The following E2F5 variants were observed in gnomAD, a reference collection of about 807,000 sequenced individuals.
E2F5 encodes transcription factor E2F5.
A neutral mutation model predicts 39.1 loss-of-function variants in E2F5; 23 were observed. The ratio of observed to expected loss-of-function variants is 0.59; its 90% CI spans 0.42 to 0.83. The LOEUF (loss-of-function observed/expected upper bound fraction) is 0.83. Ranked by LOEUF, E2F5 falls within the 40% of genes least tolerant of loss-of-function variation. E2F5 has a pLI of 0.00. For synonymous variants in E2F5, 145 were observed against 157.8 expected (o/e 0.92, Z 0.61); for missense variants, 365 against 406.7 (o/e 0.90, Z 0.88).
At position 85,207,413 on chromosome 8, in the gene E2F5, A is replaced by G. The variant is rs1812821858; in HGVS notation, c.551-12A>G. On this transcript the variant is annotated splice_polypyrimidine_tract_variant and intron_variant, in intron 4 of 7. Coordinates refer to ENST00000416274, the MANE Select transcript of E2F5 (RefSeq NM_001951.4). ...GTATTTTATGTAACTTTTTATATTT[A>G]TTTTTGACCAGGTGATACACTTTTG... The G allele has an allele frequency of 1.9e-6, 3 of 1,550,230 alleles. No individual in the cohort carries two copies. The Admixed American group carries it at 5.9e-5, about 31-fold the overall frequency.
chr8:85,207,384 A>C, intron 4 of E2F5, 41 bp from the exon 5 acceptor site: 1 of 1,508,308 alleles, frequency 6.6e-7, no homozygotes, highest in South Asian at 1.2e-5. Flanking sequence ...TTCCATGATC[A>C]ACAGTATTTT....
intron 5 of E2F5, among the ~76,000 whole-genome samples, chr8:85,208,087 G>A (rs1349670953): frequency 1.3e-5 from 2 of 152,174 alleles, no homozygotes; most frequent in Non-Finnish European, 2.9e-5. Flanking sequence ...TCAGCACTTT[G>A]GGAGGCCAAG....
At chr8:85,204,024 G>A (rs190233588) in intron 3 of E2F5, among the ~76,000 whole-genome samples, 23 of 151,948 alleles carry the variant, frequency 1.5e-4, no homozygotes, top group Admixed American at 1.5e-3. Context: ...TTTGACTAAT[G>A]TATACAATAT....
intron 6 of E2F5, among the ~76,000 whole-genome samples, chr8:85,211,654 T>C (rs935811617): frequency 7.3e-6 from 1 of 137,418 alleles, no homozygotes; most frequent in Non-Finnish European, 1.6e-5. Context: ...TTTTTTTTTT[T>C]TTTTTTTTTT....
At chr8:85,195,648 T>C (rs1019920757) in intron 1 of E2F5, among the ~76,000 whole-genome samples, 13 of 151,932 alleles carry the variant, frequency 8.6e-5, no homozygotes, top group African/African-American at 3.1e-4. Flanking sequence ...TACCAACTTG[T>C]CTGGCTAATT....
intron 5 of E2F5, 66 bp downstream of exon 5, chr8:85,207,555 T>C: frequency 2.2e-6 from 3 of 1,360,660 alleles, no homozygotes; most frequent in Non-Finnish European, 3.0e-6. Context: ...GAAGGATATT[T>C]TCTTTAGCTG....
In E2F5 at chr8:85,185,386, G is replaced by A. The variant is rs143393862; in HGVS notation, c.234+7732G>A. ...CTCAAGATGGATGAAAGACTTAAAC[G>A]TAAGACCTGAAACCATAAAAATCCT... On this transcript the variant is annotated intron_variant, in intron 1 of 7. Transcript: ENST00000416274. Among the ~76,000 whole-genome samples, 39 of 152,192 alleles carry A rather than the reference G, an allele frequency of 2.6e-4. 1 individual carries two copies. The East Asian group carries it at 6.2e-3, about 24-fold the overall frequency.
At chr8:85,189,409 A>T (rs912521898) in intron 1 of E2F5, among the ~76,000 whole-genome samples, 6 of 151,958 alleles carry the variant, frequency 3.9e-5, no homozygotes, top group African/African-American at 1.5e-4. Flanking sequence ...AGTCTCTGTG[A>T]CCCAGGCTGG....
chr8:85,209,002 TTTGTGTTTTGACTTAATGACTTTA>T, intron 5 of E2F5, 116 bp from the exon 6 acceptor site: 1 of 842,234 alleles, frequency 1.2e-6, no homozygotes, highest in Non-Finnish European at 1.8e-6. Flanking sequence ...TGTCTCTACT[TTTGTGTTTTGACTTAATGACTTTA>T]TTGTGTTATG....
At chr8:85,196,396 C>T (rs1812580795) in intron 1 of E2F5, among the ~76,000 whole-genome samples, 1 of 151,906 alleles carries the variant, frequency 6.6e-6, no homozygotes, top group African/African-American at 2.4e-5. Context: ...GGTCACAATC[C>T]CAGAGCTTTA....
At chr8:85,186,774 G>A (rs1419679984) in intron 1 of E2F5, among the ~76,000 whole-genome samples, 3 of 144,662 alleles carry the variant, frequency 2.1e-5, no homozygotes, top group South Asian at 2.2e-4. Context: ...GTATATATAC[G>A]GTATATATAA....
chr8:85,178,828 T>G (rs1044818137), intron 1 of E2F5, among the ~76,000 whole-genome samples: 16 of 152,238 alleles, frequency 1.1e-4, no homozygotes, highest in African/African-American at 3.9e-4. Flanking sequence ...AAGTAGATCT[T>G]TTCAGTGCCC....
In E2F5 at chr8:85,214,069, T is replaced by A; in HGVS notation, c.*207T>A. On this transcript the variant is annotated 3_prime_UTR_variant, in exon 8 of 8. Coordinates refer to ENST00000416274, the MANE Select transcript of E2F5 (RefSeq NM_001951.4). ...TTGCTTTAGGGGATAAGTGATTTAA[T>A]ATCCACAAACGTCCCCACTCCCAAA... The A allele has an allele frequency of 1.7e-6, 1 of 592,252 alleles. No homozygotes were observed. Among genetic ancestry groups the A allele is most frequent in the Non-Finnish European group, 3.0e-6 (1 of 330,512 alleles). The allele number at this position is 592,252 out of a possible 1,614,324, so 36.7% of individuals were successfully genotyped here.
At chr8:85,181,405 G>T (rs1048436994) in intron 1 of E2F5, among the ~76,000 whole-genome samples, 4 of 151,212 alleles carry the variant, frequency 2.6e-5, no homozygotes, top group African/African-American at 7.3e-5. Flanking sequence ...ATCTCCACTC[G>T]CTGCAAGCTC....
At chr8:85,189,689 A>C (rs1329009176) in intron 1 of E2F5, among the ~76,000 whole-genome samples, 6 of 152,208 alleles carry the variant, frequency 3.9e-5, no homozygotes, top group Admixed American at 3.3e-4. Flanking sequence ...AATTGTAAAC[A>C]TGATTTATAA....
At chr8:85,179,569 T>C (rs1812154831) in intron 1 of E2F5, among the ~76,000 whole-genome samples, 1 of 152,048 alleles carries the variant, frequency 6.6e-6, no homozygotes, top group African/African-American at 2.4e-5. Flanking sequence ...TTGAATGTCT[T>C]TAGTTTTCAT....
chr8:85,190,759 C>T (rs879667875), intron 1 of E2F5, among the ~76,000 whole-genome samples: 1 of 152,030 alleles, frequency 6.6e-6, no homozygotes, highest in Non-Finnish European at 1.5e-5. Context: ...CCGCCTCAGC[C>T]TCCTAAAATG....
intron 1 of E2F5, among the ~76,000 whole-genome samples, chr8:85,190,736 T>C (rs867989640): frequency 4.6e-5 from 7 of 152,048 alleles, no homozygotes; most frequent in African/African-American, 1.7e-4. Context: ...ACTCCTGACC[T>C]CAAGTGATCT....
chr8:85,205,175 C>T (rs1259932633), intron 3 of E2F5, among the ~76,000 whole-genome samples: 1 of 152,010 alleles, frequency 6.6e-6, no homozygotes, highest in Admixed American at 6.5e-5. Context: ...AGAGCAAACT[C>T]CGTCTCAAAA....
Sources: gnomAD v4.1 joint callset for allele counts (sites outside exome capture counted in the v4.1 genomes callset) on GRCh38, gnomAD v4.1.1 for gene constraint, MANE v1.5 for transcripts, NCBI Gene and HGNC (gene_info 2026-07-23, HGNC 2026-07-21) for gene names.